Variants in TENM1 observed in about 807,000 individuals in gnomAD.
TENM1 encodes teneurin-1.
TENM1 carries 35 observed loss-of-function variants against 174.8 expected under a neutral mutation model. The observed-to-expected ratio is 0.20, with a 90% confidence interval of 0.15 to 0.27. TENM1 has a LOEUF of 0.27. Ranked by LOEUF, TENM1 falls within the 10% of genes least tolerant of loss-of-function variation. The pLI, the probability that TENM1 is intolerant of heterozygous loss-of-function variation, is 1.00. For missense variants in TENM1, 1,633 were observed against 2,130.1 expected (o/e 0.77, Z 4.59); for synonymous variants, 781 against 798.7 (o/e 0.98, Z 0.37).
chrX:124,398,514 C>T (rs2060363987), intron 27 of TENM1, among the ~76,000 whole-genome samples: 2 of 111,552 alleles, frequency 1.8e-5, no homozygotes, highest in South Asian at 7.5e-4. Context: ...GAGAACTAAA[C>T]TTACTTTTAA....
At chrX:124,541,424 C>T (rs1002767762) in intron 15 of TENM1, among the ~76,000 whole-genome samples, 3 of 111,539 alleles carry the variant, frequency 2.7e-5, no homozygotes, top group African/African-American at 9.8e-5. Flanking sequence ...AAGTGTTTGT[C>T]ACCTCCTTCT....
At chrX:125,061,574 G>A in the TENM1 span, among the ~76,000 whole-genome samples, 1 of 111,921 alleles carries the variant, frequency 8.9e-6, no homozygotes, top group African/African-American at 3.3e-5. Flanking sequence ...ATGGCAACAA[G>A]ATACAGTGAG....
chrX:124,397,035 T>C (rs919762029), intron 27 of TENM1, among the ~76,000 whole-genome samples: 5 of 111,299 alleles, frequency 4.5e-5, no homozygotes, highest in African/African-American at 1.6e-4. Flanking sequence ...TTCCCTTATG[T>C]TTTTTTCAGC....
intron 15 of TENM1, among the ~76,000 whole-genome samples, chrX:124,540,607 C>T (rs12390319): frequency 2.7e-5 from 3 of 111,343 alleles, no homozygotes; most frequent in East Asian, 2.8e-4. Flanking sequence ...GAGGGCAGAA[C>T]GCATGTTACA....
chrX:124,750,821 G>T (rs1292022122), intron 3 of TENM1, among the ~76,000 whole-genome samples: 1 of 111,774 alleles, frequency 8.9e-6, no homozygotes, highest in Non-Finnish European at 1.9e-5. Flanking sequence ...CACCAACTGT[G>T]CTTATACCAA....
intron 3 of TENM1, among the ~76,000 whole-genome samples, chrX:124,796,955 G>A (rs1209664070): frequency 6.3e-5 from 7 of 111,813 alleles, no homozygotes; most frequent in Admixed American, 1.9e-4. Flanking sequence ...TCATGAGAAT[G>A]TCATGGTTAG....
rs187805583 is a variant in TENM1, at chrX:124,387,497, G to A, written c.5689-1433C>T. 4.3e-3 allele frequency among the ~76,000 whole-genome samples: 478 copies of A among 111,169 alleles called. 3 individuals carry two copies. The highest frequency in any genetic ancestry group is 0.015 in the African/African-American group (468 of 30,537). ...TTTCAAGCAAAGAGATTTAGTTGAG[G>A]GTTATTTATTCAAGTTTGTGTTATG... On this transcript the variant is annotated intron_variant, in intron 28 of 31. Coordinates refer to ENST00000422452, the Ensembl canonical transcript of TENM1.
At chrX:124,654,549 G>A (rs17325547) in intron 6 of TENM1, among the ~76,000 whole-genome samples, 3,742 of 111,674 alleles carry the variant, frequency 0.034, 69 homozygotes, top group Middle Eastern at 0.069. Context: ...GAGTTATTGG[G>A]AAGAGTGGCG....
chrX:124,424,470 G>T (rs771936352), intron 23 of TENM1, among the ~76,000 whole-genome samples: 2 of 111,714 alleles, frequency 1.8e-5, no homozygotes, highest in African/African-American at 3.3e-5. Flanking sequence ...GCAACCTCTG[G>T]CTATCCCTGT....
the TENM1 span, among the ~76,000 whole-genome samples, chrX:125,064,332 T>TA: frequency 3.6e-5 from 4 of 109,827 alleles, no homozygotes; most frequent in Non-Finnish European, 5.7e-5. Flanking sequence ...AAAGAAAAAT[T>TA]AAAAAAAAGA....
intron 11 of TENM1, among the ~76,000 whole-genome samples, chrX:124,619,741 T>A (rs1356615184): frequency 8.9e-6 from 1 of 112,252 alleles, no homozygotes. Flanking sequence ...CTCTTTTAAA[T>A]TTTTATTTCC....
chrX:124,726,523 A>G (rs2053446054), intron 4 of TENM1, among the ~76,000 whole-genome samples: 1 of 112,493 alleles, frequency 8.9e-6, no homozygotes, highest in African/African-American at 3.2e-5. Flanking sequence ...TTTATAGGTC[A>G]TAGATTAGTT....
At chrX:125,151,945 A>G in the TENM1 span, among the ~76,000 whole-genome samples, 1 of 111,900 alleles carries the variant, frequency 8.9e-6, no homozygotes, top group Admixed American at 9.5e-5. Context: ...AAATAGAGGG[A>G]AAAAATTCAT....
At chrX:124,378,026 G>T (rs756646153) in exon 32 of TENM1, 234 of 110,356 alleles carry the variant, frequency 2.1e-3, no homozygotes, top group Non-Finnish European at 3.6e-3. Context: ...AGCTTTAGGA[G>T]TTGTAAAAAG....
the TENM1 span, among the ~76,000 whole-genome samples, chrX:125,049,640 G>C: frequency 9.0e-6 from 1 of 111,687 alleles, no homozygotes; most frequent in Non-Finnish European, 1.9e-5. Context: ...CTACACTATT[G>C]TACATTTTCA....
At chrX:124,667,371 C>T (rs898927425) in intron 6 of TENM1, among the ~76,000 whole-genome samples, 3 of 110,422 alleles carry the variant, frequency 2.7e-5, no homozygotes, top group Non-Finnish European at 5.7e-5. Context: ...AGGTGGATCA[C>T]TTGAGGTCAG....
chrX:125,104,792 T>G, the TENM1 span, among the ~76,000 whole-genome samples: 1 of 111,862 alleles, frequency 8.9e-6, no homozygotes, highest in Admixed American at 9.5e-5. Context: ...AAAAATTTAT[T>G]TTAGCTGTAT....
chrX:124,620,848 T>C (rs2050500777), intron 11 of TENM1, among the ~76,000 whole-genome samples: 1 of 112,217 alleles, frequency 8.9e-6, no homozygotes. Context: ...TGGAAATAAT[T>C]ATTATACATG....
the TENM1 span, among the ~76,000 whole-genome samples, chrX:125,096,512 AG>A: frequency 5.4e-5 from 6 of 112,141 alleles, no homozygotes; most frequent in Non-Finnish European, 9.4e-5. Flanking sequence ...TGATATAAAC[AG>A]GTTTATTTTC....
Sources: gnomAD v4.1 joint callset for allele counts (sites outside exome capture counted in the v4.1 genomes callset) on GRCh38, gnomAD v4.1.1 for gene constraint, MANE v1.5 for transcripts, NCBI Gene and HGNC (gene_info 2026-07-23, HGNC 2026-07-21) for gene names.